PLXNA2: variants seen among roughly 807,000 people sequenced by gnomAD.
PLXNA2 encodes plexin A2.
A neutral mutation model predicts 193.5 loss-of-function variants in PLXNA2; 91 were observed. That is an observed-to-expected ratio of 0.47 (90% CI 0.40 to 0.56). The LOEUF is 0.56. PLXNA2 is among the 20% of genes least tolerant of loss of function. The pLI is 0.00. For synonymous variants in PLXNA2, 997 were observed against 1,027.3 expected, an observed-to-expected ratio of 0.97 and a Z score of 0.56; for missense variants, 1,995 against 2,503.2, an observed-to-expected ratio of 0.80 and a Z score of 4.33.
intron 3 of PLXNA2, among the ~76,000 whole-genome samples, chr1:208,165,232 C>G (rs773530358): frequency 6.6e-6 from 1 of 152,178 alleles, no homozygotes; most frequent in East Asian, 1.9e-4. Context: ...CCTCATTCAT[C>G]TTATAGCTTA....
At position 208,217,771 on chromosome 1, in the gene PLXNA2, T is replaced by G. The variant is rs1225598607; in HGVS notation, c.152A>C (p.Asn51Thr). Residue 51 changes from asparagine (N) to threonine (T), a missense_variant, in exon 2 of 32, where the codon AAC (asparagine) becomes ACC (threonine). This residue lies in a region of PLXNA2 where 702 missense variants were observed against 812.9 expected (regional missense o/e 0.86). Transcript: ENST00000367033. This position sits in a 1 kb window ranked among gnomAD's most constrained non-coding sequence, Gnocchi z 4.7. ...FHSENRDWTF[N>T]HLTVHQGTGA... The stretch of plus-strand genomic sequence containing the variant: ...CGTCCCTTGGTGGACGGTCAAGTGG[T>G]TGAAGGTCCAGTCACGATTCTCAGA... 6 of 1,613,940 alleles carry G rather than the reference T, an allele frequency of 3.7e-6. No individual in the cohort carries two copies. Among genetic ancestry groups the G allele is most frequent in the Non-Finnish European group, 4.2e-6 (5 of 1,180,006 alleles).
At chr1:208,235,828 A>C (rs1174741715) in intron 1 of PLXNA2, among the ~76,000 whole-genome samples, 1 of 152,140 alleles carries the variant, frequency 6.6e-6, no homozygotes, top group African/African-American at 2.4e-5. Flanking sequence ...TGGGCCAAGA[A>C]AGCTGAAGAA....
chr1:208,142,393 G>C lies in PLXNA2; in HGVS notation c.1442C>G (p.Pro481Arg). Residue 481 changes from proline (P) to arginine (R), a missense_variant, in exon 4 of 32, where the codon CCC (proline) becomes CGC (arginine). Physicochemically the swap from Pro to Arg is moderately radical, Grantham distance 103. Transcript: ENST00000367033. ...EMVSVLKDGS[P>R]ILRDMAFSID... ...GGAGAAGGCCATGTCCCGGAGGATG[G>C]GGCTTCCGTCCTTGAGCACAGAGAC... is the stretch of plus-strand genomic sequence containing the variant. 1 of 1,613,966 alleles carries C rather than the reference G, an allele frequency of 6.2e-7. No homozygotes were observed. Among genetic ancestry groups the C allele is most frequent in the Non-Finnish European group, 8.5e-7 (1 of 1,179,926 alleles).
intron 5 of PLXNA2, among the ~76,000 whole-genome samples, chr1:208,101,834 T>G (rs1667106631): frequency 6.6e-6 from 1 of 152,142 alleles, no homozygotes; most frequent in Non-Finnish European, 1.5e-5. Flanking sequence ...ACATGACCAC[T>G]GCAGAGCTAG....
chr1:208,113,252 T>C (rs541709660), intron 4 of PLXNA2, among the ~76,000 whole-genome samples: 10 of 152,284 alleles, frequency 6.6e-5, no homozygotes, highest in African/African-American at 2.4e-4. Flanking sequence ...GGAAAGGTGA[T>C]GATGGCATGG....
intron 3 of PLXNA2, among the ~76,000 whole-genome samples, chr1:208,182,577 A>G (rs1324938592): frequency 2.6e-5 from 4 of 152,034 alleles, no homozygotes; most frequent in Non-Finnish European, 5.9e-5. Context: ...GCATTCATGG[A>G]ATGGAGCTCC....
At chr1:208,176,345 C>T (rs1281804901) in intron 3 of PLXNA2, among the ~76,000 whole-genome samples, 4 of 152,180 alleles carry the variant, frequency 2.6e-5, no homozygotes, top group Admixed American at 2.0e-4. Flanking sequence ...GTATCCACAT[C>T]TGCCCTTACC....
intron 3 of PLXNA2, among the ~76,000 whole-genome samples, chr1:208,195,889 A>G (rs1239935884): frequency 6.6e-6 from 1 of 151,980 alleles, no homozygotes; most frequent in Non-Finnish European, 1.5e-5. Context: ...AATCCGTCTG[A>G]GACTTACATT....
chr1:208,176,468 A>T (rs1669663853), intron 3 of PLXNA2, among the ~76,000 whole-genome samples: 1 of 152,240 alleles, frequency 6.6e-6, no homozygotes, highest in African/African-American at 2.4e-5. Context: ...TTAATGAATT[A>T]CAGGGTCAGA....
chr1:208,103,085 C>A (rs1220048519), intron 5 of PLXNA2, 62 bp downstream of exon 5: 9 of 1,096,288 alleles, frequency 8.2e-6, no homozygotes, highest in Non-Finnish European at 1.3e-5. Context: ...CATATCCCAT[C>A]ATTCCCGGAA....
At chr1:208,194,391 G>A (rs1225894902) in intron 3 of PLXNA2, among the ~76,000 whole-genome samples, 2 of 149,840 alleles carry the variant, frequency 1.3e-5, no homozygotes, top group African/African-American at 4.9e-5. Context: ...GGCTGCTGGT[G>A]CCTGAGGCCT....
In PLXNA2 at chr1:208,113,005, C is replaced by CAAAAA. The variant is rs5780433; in HGVS notation, c.1507-9763_1507-9759dup. Reference sequence around the variant, plus strand: ...AAGTTCTGGTTTTTGGAAGGACCTACAAAAAAAAAAAAAAAAAAACAGAGA... The same window carrying CAAAAA: ...AAGTTCTGGTTTTTGGAAGGACCTACAAAAAAAAAAAAAAAAAAAAAAAACAGAGA... On this transcript the variant is annotated intron_variant, in intron 4 of 31. Transcript: ENST00000367033. Among the ~76,000 whole-genome samples the CAAAAA allele has an allele frequency of 7.4e-4, 85 of 114,310 alleles. 4 individuals carry two copies. Among genetic ancestry groups the CAAAAA allele is most frequent in the South Asian group, 1.2e-3 (4 of 3,316 alleles). The allele number at this position is 114,310 out of a possible 152,430, so 75.0% of individuals were successfully genotyped here.
chr1:208,083,040 A>G (rs2102388067), intron 10 of PLXNA2, among the ~76,000 whole-genome samples: 1 of 152,328 alleles, frequency 6.6e-6, no homozygotes, highest in East Asian at 1.9e-4. Context: ...CTCCAGAGGC[A>G]GAGCTAATGC....
At position 208,060,785 on chromosome 1, in the gene PLXNA2, C is replaced by A. The variant is rs1336012560; in HGVS notation, c.2639G>T (p.Gly880Val). 1.2e-6 allele frequency: 2 copies of A among 1,614,078 alleles called. No individual in the cohort carries two copies. The highest frequency in any genetic ancestry group is 1.7e-6 in the Non-Finnish European group (2 of 1,180,000). Reference protein sequence around the residue: ...PEGGTRVTIHGVNLGLDFSEI... With the variant: ...PEGGTRVTIHVVNLGLDFSEI... Reference sequence around the variant, plus strand: ...GGAGAAGTCCAGACCCAGGTTCACGCCATGGATGGTCACTCGCGTCCCTCC... The same window carrying A: ...GGAGAAGTCCAGACCCAGGTTCACGACATGGATGGTCACTCGCGTCCCTCC... The change falls in exon 13 of 32, where the codon GGC (glycine) becomes GTC (valine). Residue 880 changes from glycine to valine, a missense_variant. By Grantham distance (109) the Gly-to-Val change is moderately radical. Transcript: ENST00000367033.
intron 13 of PLXNA2, 76 bp from the exon 14 acceptor site, chr1:208,054,614 G>A: frequency 1.0e-6 from 1 of 961,046 alleles, no homozygotes; most frequent in Non-Finnish European, 1.7e-6. Flanking sequence ...TCCCAGTCAT[G>A]GCAAATGACT....
chr1:208,147,061 C>A (rs1339431672), intron 3 of PLXNA2, among the ~76,000 whole-genome samples: 1 of 152,148 alleles, frequency 6.6e-6, no homozygotes, highest in African/African-American at 2.4e-5. Flanking sequence ...TCACTCTGTG[C>A]CACCCAGGCC....
chr1:208,096,928 G>T, intron 6 of PLXNA2, 45 bp from the exon 7 acceptor site: 2 of 1,578,120 alleles, frequency 1.3e-6, no homozygotes, highest in Non-Finnish European at 1.7e-6. Flanking sequence ...TGCCTCAGGA[G>T]ACCTGGACTC....
At chr1:208,175,350 G>T (rs74153096) in intron 3 of PLXNA2, among the ~76,000 whole-genome samples, 1,626 of 152,282 alleles carry the variant, frequency 0.011, 28 homozygotes, top group African/African-American at 0.037. Context: ...ACTCCAGTAT[G>T]GAATACAGCC....
chr1:208,205,690 C>A (rs1387132015), intron 3 of PLXNA2, among the ~76,000 whole-genome samples: 1 of 152,282 alleles, frequency 6.6e-6, no homozygotes, highest in East Asian at 1.9e-4. Context: ...TGGTTGGTGA[C>A]CATCCAGTCT....
Sources: allele counts gnomAD v4.1 joint callset (sites outside exome capture counted in the v4.1 genomes callset), GRCh38; gene constraint gnomAD v4.1.1; regional missense constraint gnomAD v4.1.1; non-coding constraint Gnocchi (gnomAD v3.1); transcripts MANE v1.5; gene names NCBI Gene and HGNC (gene_info 2026-07-23, HGNC 2026-07-21).